The following ZNF2 variants were observed in gnomAD, a reference collection of about 807,000 sequenced individuals.
ZNF2 encodes zinc finger protein 2.2.
A neutral mutation model predicts 21.9 loss-of-function variants in ZNF2; 12 were observed. That is an observed-to-expected ratio of 0.55 (90% CI 0.35 to 0.89). The LOEUF (loss-of-function observed/expected upper bound fraction) is 0.89. Among genes scored for constraint, ZNF2 ranks in the 40% least tolerant of loss-of-function variants. The pLI, the probability that ZNF2 is intolerant of heterozygous loss-of-function variation, is 0.01. For synonymous variants in ZNF2, 186 were observed against 196.3 expected (o/e 0.95, Z 0.44); for missense variants, 462 against 544.2 (o/e 0.85, Z 1.50).
intron 1 of ZNF2, among the ~76,000 whole-genome samples, chr2:95,170,379 C>T (rs745962354): frequency 3.9e-5 from 6 of 152,116 alleles, no homozygotes; most frequent in South Asian, 4.1e-4. Flanking sequence ...TTGCTTTTCA[C>T]GTAGTTTTTG....
intron 1 of ZNF2, among the ~76,000 whole-genome samples, chr2:95,169,726 G>T (rs1369974771): frequency 6.6e-6 from 1 of 151,996 alleles, no homozygotes; most frequent in East Asian, 1.9e-4. Context: ...CTCCAGCCCG[G>T]GAGACAGAGC....
At chr2:95,173,176 G>A (rs1305488737) in intron 1 of ZNF2, among the ~76,000 whole-genome samples, 2 of 151,284 alleles carry the variant, frequency 1.3e-5, no homozygotes, top group East Asian at 3.9e-4. Context: ...CTTATTTTTT[G>A]CCCAGTAATT....
chr2:95,177,543 G>C lies in ZNF2; in HGVS notation c.94G>C (p.Val32Leu), dbSNP rs367776241. 237 of 1,613,990 alleles carry C rather than the reference G, an allele frequency of 1.5e-4. No individual in the cohort carries two copies. Among genetic ancestry groups the C allele is most frequent in the Non-Finnish European group, 1.9e-4 (227 of 1,180,032 alleles). The change falls in exon 3 of 5, where the codon GTC becomes CTC. Residue 32 changes from valine (V) to leucine (L), a missense_variant. Coordinates refer to ENST00000614034, the MANE Select transcript of ZNF2 (RefSeq NM_021088.4). ...CACAGATGAAGAGTGGAGTCGTCTG[G>C]TCCCCATACAGAGGGACCTCTACAA... ...VFTDEEWSRLVPIQRDLYKEV... is the reference protein window; with the variant it reads ...VFTDEEWSRLLPIQRDLYKEV...
intron 2 of ZNF2, among the ~76,000 whole-genome samples, chr2:95,176,550 G>A (rs1166847528): frequency 2.0e-5 from 3 of 152,200 alleles, no homozygotes; most frequent in Admixed American, 6.5e-5. Flanking sequence ...GGGAATAGTG[G>A]GCTGGTTCTG....
At position 95,165,847 on chromosome 2, in the gene ZNF2, A is replaced by G. The variant is rs1288173537; in HGVS notation, c.-53A>G. 6.6e-6 allele frequency: 1 copy of G among 152,206 alleles called. No individual in the cohort carries two copies. The highest frequency in any genetic ancestry group is 1.5e-5 in the Non-Finnish European group (1 of 68,106). 9.4% of individuals were successfully genotyped at this position (152,206 alleles called of 1,614,324 possible). A position where few individuals can be genotyped will look rare whatever the true frequency, so the allele number is the denominator to read the frequency against. On this transcript the variant is annotated 5_prime_UTR_variant, in exon 1 of 5. Transcript: ENST00000614034. ...GGCGCCGTCTTCCCGGGTCCCGAGC[A>G]CTCTGTGCCGGAGGTGAGGGTTGTG...
chr2:95,166,471 A>T (rs1674045543), intron 1 of ZNF2, among the ~76,000 whole-genome samples: 2 of 152,084 alleles, frequency 1.3e-5, no homozygotes, highest in Admixed American at 1.3e-4. Context: ...TCAGGACAAG[A>T]CTCAGTAGGC....
rs762276974 is a variant in ZNF2, at chr2:95,181,396, C to T, written c.568C>T (p.Arg190Cys). Residue 190 changes from arginine (R) to cysteine (C), a missense_variant, in exon 5 of 5, where the codon CGC (arginine) becomes TGC (cysteine). Arg to Cys is a radical substitution (Grantham distance 180, BLOSUM62 -3). Transcript: ENST00000614034. Reference protein sequence around the residue: ...KTFFDHSSLTRHQRTHTGEKP... With the variant: ...KTFFDHSSLTCHQRTHTGEKP... The stretch of plus-strand genomic sequence containing the variant: ...CTTTTTTGACCACTCATCCCTCACC[C>T]GCCATCAGAGGACTCACACTGGGGA... 70 of 1,614,072 alleles carry T rather than the reference C, an allele frequency of 4.3e-5. No individual in the cohort carries two copies. The highest frequency in any genetic ancestry group is 6.7e-5 in the African/African-American group (5 of 74,910).
intron 1 of ZNF2, among the ~76,000 whole-genome samples, chr2:95,175,856 T>A (rs1178162589): frequency 1.3e-5 from 2 of 152,238 alleles, no homozygotes; most frequent in African/African-American, 2.4e-5. Flanking sequence ...TAATGGCTTT[T>A]GCCCAGTAAT....
intron 1 of ZNF2, among the ~76,000 whole-genome samples, chr2:95,170,553 C>A (rs574419473): frequency 6.6e-6 from 1 of 152,286 alleles, no homozygotes; most frequent in African/African-American, 2.4e-5. Context: ...TAGACTAGAA[C>A]AGAAAATCCC....
intron 1 of ZNF2, 53 bp from the exon 2 acceptor site, chr2:95,176,135 A>G (rs1022610846): frequency 6.1e-6 from 9 of 1,486,354 alleles, no homozygotes; most frequent in Admixed American, 1.7e-5. Context: ...ACTATGCGAC[A>G]GGACTGGTCT....
Position 95,180,159 on chromosome 2 carries a change from G to T in ZNF2, c.161G>T (p.Gly54Val). 6.2e-7 allele frequency: 1 copy of T among 1,608,506 alleles called. No individual in the cohort carries two copies. The highest frequency in any genetic ancestry group is 8.5e-7 in the Non-Finnish European group (1 of 1,175,070). The change falls in exon 4 of 5, where the codon GGC (glycine) becomes GTC (valine). Residue 54 changes from glycine (G) to valine (V), a missense_variant and splice_region_variant. Gly to Val is a moderately radical substitution (Grantham distance 109). Transcript: ENST00000614034. ...LENYNSIVSL[G>V]LPVPQPDVIF... The stretch of plus-strand genomic sequence containing the variant: ...GCTTTGTTTCTTTCTCTTTGAGCAG[G>T]CCTTCCAGTTCCTCAACCTGATGTG...
At chr2:95,181,009 C>T in intron 4 of ZNF2, 94 bp from the exon 5 acceptor site, 3 of 1,401,458 alleles carry the variant, frequency 2.1e-6, no homozygotes, top group Non-Finnish European at 2.0e-6. Flanking sequence ...ATGCAGTGAC[C>T]ATACATTACT....
chr2:95,176,278 T>C lies in ZNF2; in HGVS notation c.33+19T>C. The stretch of plus-strand genomic sequence containing the variant: ...ATGCCAGGTGAGGTGGACTTTTGTG[T>C]TCCCGAAATACTCCATTCATCTCCA... On this transcript the variant is annotated intron_variant, in intron 2 of 4. Coordinates refer to ENST00000614034, the MANE Select transcript of ZNF2 (RefSeq NM_021088.4). The C allele has an allele frequency of 6.2e-7, 1 of 1,614,120 alleles. No homozygotes were observed.
chr2:95,166,637 G>A (rs1674052955), intron 1 of ZNF2, among the ~76,000 whole-genome samples: 1 of 152,172 alleles, frequency 6.6e-6, no homozygotes, highest in South Asian at 2.1e-4. Context: ...AGATGTTGTG[G>A]ACTTGAATTA....
At chr2:95,174,057 A>G (rs1191389569) in intron 1 of ZNF2, among the ~76,000 whole-genome samples, 1 of 152,218 alleles carries the variant, frequency 6.6e-6, no homozygotes, top group Non-Finnish European at 1.5e-5. Context: ...TGGGCCATAA[A>G]TTATTTAACC....
In ZNF2 at chr2:95,181,763, C is replaced by G. The variant is rs768304941; in HGVS notation, c.935C>G (p.Pro312Arg). The G allele has an allele frequency of 6.2e-7, 1 of 1,614,210 alleles. No individual in the cohort carries two copies. Among genetic ancestry groups the G allele is most frequent in the East Asian group, 2.2e-5 (1 of 44,888 alleles). The change falls in exon 5 of 5, where the codon CCT becomes CGT. Residue 312 changes from proline (P) to arginine (R), a missense_variant. Physicochemically the swap from Pro to Arg is moderately radical, Grantham distance 103. Coordinates refer to ENST00000614034, the MANE Select transcript of ZNF2 (RefSeq NM_021088.4). Reference sequence around the variant, plus strand: ...CAGCTAATCCACACTGGCAGGAAGCCTTATGAGTGTAACGAGTGCGGGAAA... The same window carrying G: ...CAGCTAATCCACACTGGCAGGAAGCGTTATGAGTGTAACGAGTGCGGGAAA... ...RHQLIHTGRK[P>R]YECNECGKAF...
rs1470194806 is a variant in ZNF2 at position 95,181,070 on chromosome 2, A to G, written c.275-33A>G. On this transcript the variant is annotated intron_variant, in intron 4 of 4. Transcript: ENST00000614034. ...TTTCTGTAATATTTCCTAGCCCAGG[A>G]AAAAAACTGCATCTGTTTTCTGTTT... is the stretch of plus-strand genomic sequence containing the variant. 3 of 1,597,222 alleles carry G rather than the reference A, an allele frequency of 1.9e-6. No homozygotes were observed. The South Asian group carries it at 3.4e-5, about 18-fold the overall frequency.
At chr2:95,172,366 T>C (rs79584949) in intron 1 of ZNF2, among the ~76,000 whole-genome samples, 2,215 of 152,302 alleles carry the variant, frequency 0.015, 31 homozygotes, top group Non-Finnish European at 0.024. Flanking sequence ...AGCAGAACTT[T>C]CTAGGAATAG....
chr2:95,170,223 A>G lies in ZNF2; in HGVS notation c.-40+4363A>G, dbSNP rs954316275. Among the ~76,000 whole-genome samples the G allele has an allele frequency of 5.3e-5, 8 of 152,204 alleles. No individual in the cohort carries two copies. The East Asian group carries it at 5.8e-4, about 11-fold the overall frequency. On this transcript the variant is annotated intron_variant, in intron 1 of 4. Coordinates refer to ENST00000614034, the MANE Select transcript of ZNF2 (RefSeq NM_021088.4). ...TACACGTTGCATGCTCTGGTTATCA[A>G]TTGACATGTCTTTGTTTCTGTTTGT...
Sources: gnomAD v4.1 joint callset for allele counts (sites outside exome capture counted in the v4.1 genomes callset) on GRCh38, gnomAD v4.1.1 for gene constraint, MANE v1.5 for transcripts, NCBI Gene and HGNC (gene_info 2026-07-23, HGNC 2026-07-21) for gene names.